AGBL4: variants seen among roughly 807,000 people sequenced by gnomAD.
AGBL4 encodes the protein cytosolic carboxypeptidase 6.
Under a neutral mutation model 66.4 loss-of-function variants are expected in AGBL4, and 58 were observed. The observed-to-expected ratio is 0.87, with a 90% CI of 0.71 to 1.09. The LOEUF (loss-of-function observed/expected upper bound fraction) is 1.09. Among genes scored for constraint, AGBL4 ranks in the 50% least tolerant of loss-of-function variants. The pLI is 0.00. For synonymous variants in AGBL4, 234 were observed against 222.9 expected (o/e 1.05, Z -0.44); for missense variants, 579 against 631.0 (o/e 0.92, Z 0.88).
At chr1:49,662,569 C>G (rs528062102) in intron 3 of AGBL4, among the ~76,000 whole-genome samples, 1 of 152,052 alleles carries the variant, frequency 6.6e-6, no homozygotes, top group Non-Finnish European at 1.5e-5. Context: ...CACAAAATTG[C>G]AGGTGAGAGA....
At position 48,694,574 on chromosome 1, in the gene AGBL4, C is replaced by A. The variant is rs1238418303; in HGVS notation, c.635-31333G>T. Among the ~76,000 whole-genome samples, 3 of 152,192 alleles carry A rather than the reference C, an allele frequency of 2.0e-5. 1 individual carries two copies. The highest frequency in any genetic ancestry group is 2.0e-4 in the Admixed American group (3 of 15,284). On this transcript the variant is annotated intron_variant, in intron 6 of 13. Transcript: ENST00000371839. The stretch of plus-strand genomic sequence containing the variant: ...GGTGACTGGGGGCTCTAGTTTCCTG[C>A]AATGGTCCTTTCATGTTTCTGAGAC...
intron 1 of AGBL4, among the ~76,000 whole-genome samples, chr1:49,873,313 C>G (rs902965515): frequency 6.6e-6 from 1 of 151,866 alleles, no homozygotes; most frequent in Non-Finnish European, 1.5e-5. Context: ...CTGTCCTAGC[C>G]AGGAGAGATC....
rs551503020 is a variant in AGBL4 at position 49,838,921 on chromosome 1, G to C, written c.157+12475C>G. On this transcript the variant is annotated intron_variant, in intron 2 of 13. Coordinates refer to ENST00000371839, the MANE Select transcript of AGBL4 (RefSeq NM_032785.4). ...TTATTTTACTACTAAAGCATAAGAG[G>C]GTGGTTTATGTGCATCGTAAGTCCC... 6.8e-4 allele frequency among the ~76,000 whole-genome samples: 104 copies of C among 152,224 alleles called. 1 individual carries two copies. The highest frequency in any genetic ancestry group is 2.5e-3 in the African/African-American group (103 of 41,536).
Position 49,144,147 on chromosome 1 carries a change from C to G in AGBL4, c.378-98347G>C, listed in dbSNP as rs553180504. 3.3e-5 allele frequency among the ~76,000 whole-genome samples: 5 copies of G among 152,260 alleles called. No individual in the cohort carries two copies. The East Asian group carries it at 9.6e-4, about 29-fold the overall frequency. On this transcript the variant is annotated intron_variant, in intron 4 of 13. Coordinates refer to ENST00000371839, the MANE Select transcript of AGBL4 (RefSeq NM_032785.4). ...ATCTAGTGTAAAAATGCTCCAAGCA[C>G]TGTTAACTTGCTCTATCCTAGAACC... is the stretch of plus-strand genomic sequence containing the variant.
At chr1:49,740,360 T>C (rs1465275118) in intron 2 of AGBL4, among the ~76,000 whole-genome samples, 1 of 152,162 alleles carries the variant, frequency 6.6e-6, no homozygotes. Context: ...CTATCCTAAA[T>C]ATATAGGCGC....
At chr1:49,051,882 C>T (rs966336017) in intron 4 of AGBL4, among the ~76,000 whole-genome samples, 1 of 152,116 alleles carries the variant, frequency 6.6e-6, no homozygotes, top group Non-Finnish European at 1.5e-5. Flanking sequence ...ACAGGCAACA[C>T]ATTTTTACAC....
rs192044894 is a variant in AGBL4, at chr1:49,276,713, C to T, written c.283-30849G>A. On this transcript the variant is annotated intron_variant, in intron 3 of 13. Transcript: ENST00000371839. The stretch of plus-strand genomic sequence containing the variant: ...CTAGTCAAGCCTCTTCTTTCCCTCC[C>T]ATAGCCTGTCTTGTCACCATGACCG... Among the ~76,000 whole-genome samples, 4 of 152,272 alleles carry T rather than the reference C, an allele frequency of 2.6e-5. No individual in the cohort carries two copies. In the East Asian group the frequency reaches 7.7e-4, roughly 29 times the overall value.
chr1:48,751,657 T>C (rs1472549128), intron 6 of AGBL4, among the ~76,000 whole-genome samples: 1 of 152,126 alleles, frequency 6.6e-6, no homozygotes, highest in Non-Finnish European at 1.5e-5. Flanking sequence ...AAAAAAAACA[T>C]AAGCTTGTCA....
intron 4 of AGBL4, among the ~76,000 whole-genome samples, chr1:49,129,378 A>T (rs1258865801): frequency 6.6e-6 from 1 of 151,832 alleles, no homozygotes; most frequent in South Asian, 2.1e-4. Flanking sequence ...TTAGTTACAT[A>T]TGTATACATG....
At chr1:48,771,772 G>C (rs1644848193) in intron 6 of AGBL4, among the ~76,000 whole-genome samples, 1 of 152,174 alleles carries the variant, frequency 6.6e-6, no homozygotes, top group Non-Finnish European at 1.5e-5. Flanking sequence ...TGGAGCAAAT[G>C]ATCTATTTGG....
intron 1 of AGBL4, among the ~76,000 whole-genome samples, chr1:49,867,572 G>A (rs1428796337): frequency 2.2e-5 from 3 of 138,816 alleles, no homozygotes; most frequent in African/African-American, 8.1e-5. Flanking sequence ...TCCCACCTAT[G>A]AGTGAGAACA....
chr1:49,158,031 G>T (rs1646468002), intron 4 of AGBL4, among the ~76,000 whole-genome samples: 1 of 152,034 alleles, frequency 6.6e-6, no homozygotes, highest in Non-Finnish European at 1.5e-5. Context: ...TCTGTAGGTT[G>T]CCTGTTCACT....
chr1:48,795,357 A>G (rs1645649125), intron 6 of AGBL4, among the ~76,000 whole-genome samples: 1 of 151,990 alleles, frequency 6.6e-6, no homozygotes, highest in African/African-American at 2.4e-5. Flanking sequence ...GCTTCAGTCA[A>G]ACTGGCTGCC....
chr1:49,811,830 G>T (rs183281506), intron 2 of AGBL4, among the ~76,000 whole-genome samples: 1 of 152,036 alleles, frequency 6.6e-6, no homozygotes, highest in Non-Finnish European at 1.5e-5. Flanking sequence ...TTACAAATTA[G>T]AGAACCAAGG....
At chr1:48,996,709 T>G (rs1661020867) in intron 5 of AGBL4, among the ~76,000 whole-genome samples, 1 of 151,920 alleles carries the variant, frequency 6.6e-6, no homozygotes, top group South Asian at 2.1e-4. Flanking sequence ...ATGGTGAGAA[T>G]GTGGAAAGGA....
intron 11 of AGBL4, among the ~76,000 whole-genome samples, chr1:48,551,090 A>G (rs1403527557): frequency 6.6e-6 from 1 of 152,194 alleles, no homozygotes; most frequent in Non-Finnish European, 1.5e-5. Flanking sequence ...TTCCTGACCT[A>G]CAACCCTACA....
chr1:49,092,074 T>A (rs985251683), intron 4 of AGBL4, among the ~76,000 whole-genome samples: 3 of 151,988 alleles, frequency 2.0e-5, no homozygotes, highest in African/African-American at 4.8e-5. Context: ...AAACTACCTA[T>A]CTGGTACTGG....
At chr1:49,049,599 CCTT>C (rs1053242785) in intron 4 of AGBL4, among the ~76,000 whole-genome samples, 1 of 151,946 alleles carries the variant, frequency 6.6e-6, no homozygotes, top group Admixed American at 6.6e-5. Context: ...AGGGAAAAAA[CCTT>C]CTTATCCCAG....
rs1345142348 is a variant in AGBL4, at chr1:48,549,869, A to T, written c.1268-10131T>A. Among the ~76,000 whole-genome samples, 4 of 152,148 alleles carry T rather than the reference A, an allele frequency of 2.6e-5. No individual in the cohort carries two copies. The South Asian group carries it at 6.2e-4, about 24-fold the overall frequency. ...AGACAGAAAGAGACAAAAGAAAAAA[A>T]TGCAGAGAAGCACAGCCGCAGAGGA... is the stretch of plus-strand genomic sequence containing the variant. On this transcript the variant is annotated intron_variant, in intron 11 of 13. Transcript: ENST00000371839.
Sources: allele counts gnomAD v4.1 joint callset (sites outside exome capture counted in the v4.1 genomes callset), GRCh38; gene constraint gnomAD v4.1.1; transcripts MANE v1.5; gene names NCBI Gene and HGNC (gene_info 2026-07-23, HGNC 2026-07-21).